Variants in C3orf52 observed in about 807,000 individuals in gnomAD.
C3orf52 encodes TPA-induced transmembrane protein.
A neutral mutation model predicts 24.8 loss-of-function variants in C3orf52; 22 were observed. That is an observed-to-expected ratio of 0.89 (90% CI 0.63 to 1.27). C3orf52 has a LOEUF of 1.27. Ranked by LOEUF, C3orf52 falls within the 50% of genes most tolerant of loss-of-function variation. The pLI is 0.00. For missense variants in C3orf52, 265 were observed against 260.7 expected, an observed-to-expected ratio of 1.02 and a Z score of -0.11; for synonymous variants, 93 against 100.2, an observed-to-expected ratio of 0.93 and a Z score of 0.43.
intron 2 of C3orf52, among the ~76,000 whole-genome samples, chr3:112,095,187 T>C (rs565980685): frequency 3.6e-4 from 55 of 152,272 alleles, no homozygotes; most frequent in African/African-American, 1.2e-3. Flanking sequence ...TATAAGCTGG[T>C]GTTAAGGTAG....
At chr3:112,108,466 T>C (rs2074048406) in intron 3 of C3orf52, among the ~76,000 whole-genome samples, 1 of 152,216 alleles carries the variant, frequency 6.6e-6, no homozygotes, top group Non-Finnish European at 1.5e-5. Flanking sequence ...CAATTCCTTT[T>C]CTTGGCATAT....
intron 3 of C3orf52, among the ~76,000 whole-genome samples, chr3:112,108,328 A>C (rs2074046921): frequency 6.6e-6 from 1 of 152,210 alleles, no homozygotes; most frequent in Admixed American, 6.5e-5. Context: ...CGGAGTGGTA[A>C]AAATTTAAGT....
chr3:112,098,028 A>G (rs1383045380), intron 2 of C3orf52, among the ~76,000 whole-genome samples: 2 of 152,242 alleles, frequency 1.3e-5, no homozygotes, highest in Non-Finnish European at 2.9e-5. Flanking sequence ...CTTCAAATGC[A>G]CTAGCATCCT....
intron 2 of C3orf52, among the ~76,000 whole-genome samples, chr3:112,099,373 CT>C (rs1384017359): frequency 1.3e-5 from 2 of 152,260 alleles, no homozygotes; most frequent in South Asian, 4.1e-4. Context: ...ATTTGTTCAT[CT>C]TTTCCCCATT....
intron 1 of C3orf52, among the ~76,000 whole-genome samples, chr3:112,089,529 CAAAAAAAAAAAAA>C (rs56236834): frequency 3.1e-5 from 3 of 97,584 alleles, no homozygotes; most frequent in Non-Finnish European, 4.2e-5. Flanking sequence ...AACTTCGTCT[CAAAAAAAAAAAAA>C]AAAAAAAAGA....
intron 1 of C3orf52, among the ~76,000 whole-genome samples, chr3:112,087,149 G>A (rs1055266195): frequency 2.0e-5 from 3 of 152,052 alleles, no homozygotes; most frequent in African/African-American, 2.4e-5. Context: ...GGGTAGGGCT[G>A]GCGTAGAGAT....
intron 4 of C3orf52, among the ~76,000 whole-genome samples, chr3:112,124,336 C>T (rs746071571): frequency 1.3e-5 from 2 of 152,156 alleles, no homozygotes; most frequent in African/African-American, 2.4e-5. Flanking sequence ...TGGCTGGGCA[C>T]GGTGGCTCAC....
intron 1 of C3orf52, 43 bp downstream of exon 1, chr3:112,086,588 A>G (rs2073828434): frequency 6.8e-7 from 1 of 1,464,388 alleles, no homozygotes; most frequent in South Asian, 1.3e-5. Flanking sequence ...CGGCGGCGGG[A>G]CAGTAGTAGG....
rs1192112856 is a variant in C3orf52, at chr3:112,103,014, G to A, written c.396+49G>A. Reference sequence around the variant, plus strand: ...TAAGGAGTTCTTGACATTAGAATATGAATTTTGCTAGAATAATTGGCATAG... The same window carrying A: ...TAAGGAGTTCTTGACATTAGAATATAAATTTTGCTAGAATAATTGGCATAG... On this transcript the variant is annotated intron_variant, in intron 3 of 5. Transcript: ENST00000264848. 5 of 1,578,492 alleles carry A rather than the reference G, an allele frequency of 3.2e-6. No individual in the cohort carries two copies. In the African/African-American group the frequency reaches 6.7e-5, roughly 21 times the overall value.
chr3:112,111,589 G>A (rs1325563353), intron 4 of C3orf52: 1 of 152,250 alleles, frequency 6.6e-6, no homozygotes, highest in Non-Finnish European at 1.5e-5. Flanking sequence ...GGCCAGGCCA[G>A]GCTAGGTGGC....
At chr3:112,126,004 A>G (rs1413816474) in intron 4 of C3orf52, among the ~76,000 whole-genome samples, 2 of 152,246 alleles carry the variant, frequency 1.3e-5, no homozygotes, top group Non-Finnish European at 2.9e-5. Context: ...ACCATATGGT[A>G]TATGGATTGA....
At position 112,124,469 on chromosome 3, in the gene C3orf52, T is replaced by C. The variant is rs377328963; in HGVS notation, c.*47-3764T>C. 4.8e-4 allele frequency among the ~76,000 whole-genome samples: 73 copies of C among 152,104 alleles called. 1 individual carries two copies. In the South Asian group the frequency reaches 0.014, roughly 29 times the overall value. ...ACTGAAAATACAAAAATTAGCCAGGTGTGATGGCACACACCTGCAATCCCA... is the reference window on the plus strand; with the variant it reads ...ACTGAAAATACAAAAATTAGCCAGGCGTGATGGCACACACCTGCAATCCCA... On this transcript the variant is annotated intron_variant, in intron 4 of 4. Coordinates refer to the C3orf52 transcript ENST00000480282.
chr3:112,127,123 TGTTA>T, intron 4 of C3orf52: 1 of 806,610 alleles, frequency 1.2e-6, no homozygotes, highest in Admixed American at 2.4e-5. Flanking sequence ...TTTAACTCTT[TGTTA>T]AAGTTATATA....
intron 2 of C3orf52, among the ~76,000 whole-genome samples, chr3:112,099,052 A>C (rs964103808): frequency 6.6e-6 from 1 of 152,060 alleles, no homozygotes; most frequent in African/African-American, 2.4e-5. Flanking sequence ...TGATGGTTTA[A>C]AAGTGTGTGG....
chr3:112,127,254 C>A (rs1366464493), intron 4 of C3orf52, among the ~76,000 whole-genome samples: 1 of 152,152 alleles, frequency 6.6e-6, no homozygotes, highest in Non-Finnish European at 1.5e-5. Flanking sequence ...TCCTCTCTTT[C>A]TTTTCTAAAT....
intron 1 of C3orf52, among the ~76,000 whole-genome samples, chr3:112,089,140 G>GTTT (rs1410160820): frequency 6.6e-6 from 1 of 152,196 alleles, no homozygotes; most frequent in Non-Finnish European, 1.5e-5. Context: ...CAGGGGCTCA[G>GTTT]TTTTCAAATA....
intron 4 of C3orf52, chr3:112,123,509 C>G (rs1576158390): frequency 6.2e-7 from 1 of 1,614,132 alleles, no homozygotes. Context: ...GTGGCTGTTG[C>G]AGAAAGTGAG....
chr3:112,103,139 C>T (rs905046971), intron 3 of C3orf52, among the ~76,000 whole-genome samples, 174 bp downstream of exon 3: 3 of 152,106 alleles, frequency 2.0e-5, no homozygotes, highest in African/African-American at 7.2e-5. Context: ...CACATGTTCT[C>T]ACTTACAAGT....
chr3:112,112,870 CA>C (rs746462081), intron 4 of C3orf52, 93 bp from the exon 5 acceptor site: 4 of 1,010,718 alleles, frequency 4.0e-6, no homozygotes, highest in Non-Finnish European at 6.0e-6. Flanking sequence ...GAAGAACATG[CA>C]AAACTAAAAA....
Sources: gnomAD v4.1 joint callset for allele counts (sites outside exome capture counted in the v4.1 genomes callset) on GRCh38, gnomAD v4.1.1 for gene constraint, MANE v1.5 for transcripts, NCBI Gene and HGNC (gene_info 2026-07-23, HGNC 2026-07-21) for gene names.